SPNS3: variants seen among roughly 807,000 people sequenced by gnomAD.
SPNS3 encodes the protein protein spinster homolog 3.
Under a neutral mutation model 54.4 loss-of-function variants are expected in SPNS3, and 51 were observed. That is an observed-to-expected ratio of 0.94 (90% confidence interval 0.75 to 1.18). The LOEUF (loss-of-function observed/expected upper bound fraction) is 1.18, where lower values mean the gene tolerates loss of function less well. Ranked by LOEUF, SPNS3 falls within the 50% of genes most tolerant of loss-of-function variation. The pLI is 0.00. For synonymous variants in SPNS3, 309 were observed against 294.7 expected, an observed-to-expected ratio of 1.05 and a Z score of -0.50; for missense variants, 669 against 677.4, an observed-to-expected ratio of 0.99 and a Z score of 0.14.
intron 11 of SPNS3, among the ~76,000 whole-genome samples, chr17:4,487,420 GA>G (rs1972352324): frequency 6.6e-6 from 1 of 152,240 alleles, no homozygotes; most frequent in East Asian, 1.9e-4. Flanking sequence ...TGGTAGGGGT[GA>G]GGGATACGGG....
chr17:4,476,677 C>T (rs1972010720), intron 8 of SPNS3, among the ~76,000 whole-genome samples: 1 of 152,152 alleles, frequency 6.6e-6, no homozygotes, highest in Non-Finnish European at 1.5e-5. Flanking sequence ...GACCTGCCTG[C>T]CAGCGACTTC....
At position 4,446,918 on chromosome 17, in the gene SPNS3, T is replaced by C; in HGVS notation, c.577T>C (p.Ser193Pro). Residue 193 changes from serine (S) to proline (P), a missense_variant, in exon 5 of 12, where the codon TCG becomes CCG. Transcript: ENST00000355530. Reference protein sequence around the residue: ...VGSGLGYVLGSAVTMLTGNWR... With the variant: ...VGSGLGYVLGPAVTMLTGNWR... ...CAGTGGTCTGGGCTACGTGCTGGGG[T>C]CGGCTGTGACGATGCTGACTGGGAA... 1 of 1,614,010 alleles carries C rather than the reference T, an allele frequency of 6.2e-7. No homozygotes were observed. Among genetic ancestry groups the C allele is most frequent in the Non-Finnish European group, 8.5e-7 (1 of 1,179,996 alleles).
At chr17:4,458,453 T>C (rs971719357) in intron 8 of SPNS3, among the ~76,000 whole-genome samples, 5,134 of 73,762 alleles carry the variant, frequency 0.07, 122 homozygotes, top group Non-Finnish European at 0.13. Flanking sequence ...CTCCCTTCTT[T>C]CTTCTTTCTT....
chr17:4,463,694 G>A (rs1419633962), intron 8 of SPNS3, among the ~76,000 whole-genome samples: 7 of 132,908 alleles, frequency 5.3e-5, no homozygotes, highest in East Asian at 2.1e-4. Flanking sequence ...AGCCGAAATC[G>A]TGCCACTGCA....
chr17:4,447,965 G>A (rs1971041765), intron 5 of SPNS3, among the ~76,000 whole-genome samples, 190 bp from the exon 6 acceptor site: 1 of 152,202 alleles, frequency 6.6e-6, no homozygotes, highest in African/African-American at 2.4e-5. Context: ...CTGCAGTGGT[G>A]AGGGCTGAGA....
intron 8 of SPNS3, among the ~76,000 whole-genome samples, chr17:4,468,854 T>G (rs190557935): frequency 1.3e-5 from 2 of 151,362 alleles, no homozygotes; most frequent in Non-Finnish European, 2.9e-5. Context: ...AATGGCATGG[T>G]CTCAGCTCAC....
intron 1 of SPNS3, among the ~76,000 whole-genome samples, chr17:4,437,204 G>A (rs1970737323): frequency 6.6e-6 from 1 of 152,104 alleles, no homozygotes; most frequent in Non-Finnish European, 1.5e-5. Context: ...GCAAGGGTGG[G>A]TGCACGCTTG....
At chr17:4,469,084 G>A (rs929493699) in intron 8 of SPNS3, among the ~76,000 whole-genome samples, 32 of 151,348 alleles carry the variant, frequency 2.1e-4, no homozygotes, top group African/African-American at 2.2e-4. Flanking sequence ...CACTGCGCCC[G>A]GCCTCGGACC....
intron 8 of SPNS3, among the ~76,000 whole-genome samples, chr17:4,466,700 G>A (rs908528686): frequency 7.3e-5 from 11 of 151,446 alleles, no homozygotes; most frequent in Non-Finnish European, 1.6e-4. Flanking sequence ...AAATTAGCTG[G>A]GCATGGTGGT....
intron 8 of SPNS3, among the ~76,000 whole-genome samples, chr17:4,460,457 A>T (rs1314165001): frequency 3.0e-5 from 4 of 132,734 alleles, no homozygotes; most frequent in African/African-American, 5.9e-5. Context: ...TTTGAGACAG[A>T]GTCTCACTCT....
intron 8 of SPNS3, among the ~76,000 whole-genome samples, chr17:4,478,235 G>C (rs1412906610): frequency 6.6e-6 from 1 of 152,004 alleles, no homozygotes; most frequent in African/African-American, 2.4e-5. Context: ...GCCTCCCAAA[G>C]TGCTGGAATT....
At chr17:4,459,486 C>CG (rs1397511237) in intron 8 of SPNS3, among the ~76,000 whole-genome samples, 1 of 152,052 alleles carries the variant, frequency 6.6e-6, no homozygotes, top group Non-Finnish European at 1.5e-5. Flanking sequence ...CCGAGGCAGG[C>CG]GGATCACCTG....
At chr17:4,452,597 A>C (rs914111068) in intron 7 of SPNS3, among the ~76,000 whole-genome samples, 1 of 152,018 alleles carries the variant, frequency 6.6e-6, no homozygotes, top group African/African-American at 2.4e-5. Flanking sequence ...GCTTCCCTCC[A>C]TTCCTCTTAG....
chr17:4,435,669 C>T (rs11652554), intron 1 of SPNS3, among the ~76,000 whole-genome samples: 40,699 of 151,642 alleles, frequency 0.27, 6,663 homozygotes, highest in South Asian at 0.38. Context: ...ACAGGCTGCT[C>T]GCAAACCTCA....
intron 2 of SPNS3, among the ~76,000 whole-genome samples, chr17:4,442,272 T>A (rs1224768520): frequency 1.3e-5 from 2 of 151,916 alleles, no homozygotes; most frequent in African/African-American, 4.8e-5. Flanking sequence ...GCACGGTGGC[T>A]CACGCCTGTA....
chr17:4,467,072 G>A (rs1168573883), intron 8 of SPNS3, among the ~76,000 whole-genome samples: 1 of 152,174 alleles, frequency 6.6e-6, no homozygotes, highest in East Asian at 1.9e-4. Flanking sequence ...AGGCCCTGAG[G>A]GAGAATGCAT....
At chr17:4,465,729 G>GA (rs1035352855) in intron 8 of SPNS3, among the ~76,000 whole-genome samples, 7 of 151,232 alleles carry the variant, frequency 4.6e-5, no homozygotes, top group African/African-American at 4.9e-5. Flanking sequence ...CTCCATTTCA[G>GA]AAAAAAAAGA....
At position 4,455,391 on chromosome 17, in the gene SPNS3, G is replaced by A. The variant is rs116985761; in HGVS notation, c.1113+2186G>A. ...GGAAGGATGACTGAGAACAGGCCAAGTATTGCCTGTGTCCGGAGCTGTTTC... is the reference window on the plus strand; with the variant it reads ...GGAAGGATGACTGAGAACAGGCCAAATATTGCCTGTGTCCGGAGCTGTTTC... On this transcript the variant is annotated intron_variant, in intron 8 of 11. Coordinates refer to ENST00000355530, the MANE Select transcript of SPNS3 (RefSeq NM_182538.5). 3.9e-4 allele frequency among the ~76,000 whole-genome samples: 59 copies of A among 152,362 alleles called. No homozygotes were observed. The East Asian group carries it at 0.011, about 29-fold the overall frequency.
chr17:4,458,589 CT>C (rs879440661), intron 8 of SPNS3, among the ~76,000 whole-genome samples: 9,606 of 39,108 alleles, frequency 0.25, 1,140 homozygotes, highest in African/African-American at 0.33. Flanking sequence ...TCCTTCCCTC[CT>C]TTCTTTCTTT....
Sources: gnomAD v4.1 joint callset for allele counts (sites outside exome capture counted in the v4.1 genomes callset) on GRCh38, gnomAD v4.1.1 for gene constraint, MANE v1.5 for transcripts, NCBI Gene and HGNC (gene_info 2026-07-23, HGNC 2026-07-21) for gene names.